Variants in KIRREL3 observed in about 807,000 individuals in gnomAD.
The protein encoded by KIRREL3 is kin of IRRE-like protein 3.
Under a neutral mutation model 89.7 loss-of-function variants are expected in KIRREL3, and 36 were observed. The ratio of observed to expected loss-of-function variants is 0.40; its 90% confidence interval spans 0.31 to 0.53. The LOEUF (loss-of-function observed/expected upper bound fraction) is 0.53, where lower values mean the gene tolerates loss of function less well. Among genes scored for constraint, KIRREL3 ranks in the 20% least tolerant of loss-of-function variants. KIRREL3 has a pLI of 0.49. For synonymous variants in KIRREL3, 445 were observed against 441.4 expected (o/e 1.01, Z -0.10); for missense variants, 864 against 1,056.6 (o/e 0.82, Z 2.53).
rs1231363255 is a variant in KIRREL3 at position 126,527,833 on chromosome 11, A to G, written c.134-1146T>C. On this transcript the variant is annotated intron_variant, in intron 2 of 16. Coordinates refer to ENST00000525144, the MANE Select transcript of KIRREL3 (RefSeq NM_032531.4). This position sits in a 1 kb window ranked among gnomAD's most constrained non-coding sequence, Gnocchi z 4.2. ...TCCCCTACTGAGCTATGCTGTGTGC[A>G]GATCCCCAAGCCTGGCCTTGGAGGG... Among the ~76,000 whole-genome samples the G allele has an allele frequency of 3.3e-5, 5 of 152,166 alleles. No homozygotes were observed. The highest frequency in any genetic ancestry group is 3.3e-4 in the Admixed American group (5 of 15,288).
chr11:126,964,095 G>T (rs767202056), intron 1 of KIRREL3, among the ~76,000 whole-genome samples: 22 of 152,122 alleles, frequency 1.4e-4, no homozygotes, highest in Non-Finnish European at 2.5e-4. Flanking sequence ...CAACTACAAG[G>T]TTTGAGAAAG....
intron 1 of KIRREL3, among the ~76,000 whole-genome samples, chr11:126,616,973 G>A (rs1009486280): frequency 6.6e-6 from 1 of 152,230 alleles, no homozygotes; most frequent in African/African-American, 2.4e-5. Context: ...AATTATAAGT[G>A]AAAGCCAGAG....
rs1342787336 is a variant in KIRREL3, at chr11:126,664,843, AGGG to A, written c.56-101934_56-101932del. Among the ~76,000 whole-genome samples, 1 of 152,146 alleles carries A rather than the reference AGGG, an allele frequency of 6.6e-6. No homozygotes were observed. Among genetic ancestry groups the A allele is most frequent in the Non-Finnish European group, 1.5e-5 (1 of 68,018 alleles). On this transcript the variant is annotated intron_variant, in intron 1 of 16. Coordinates refer to ENST00000525144, the MANE Select transcript of KIRREL3 (RefSeq NM_032531.4). This position sits in a 1 kb window ranked among gnomAD's most constrained non-coding sequence, Gnocchi z 5.4. ...CTATGAACCTCTTGTGCCCTTAGAC[AGGG>A]GGGCATTCCCTGCCTCAACCACAGG...
intron 1 of KIRREL3, among the ~76,000 whole-genome samples, chr11:126,589,743 C>T (rs989748438): frequency 1.3e-5 from 2 of 152,202 alleles, no homozygotes; most frequent in Admixed American, 1.3e-4. Flanking sequence ...CTCTCAGCCT[C>T]AGTTTCCCTA....
intron 1 of KIRREL3, among the ~76,000 whole-genome samples, chr11:126,921,444 TA>T (rs1291673732): frequency 7.2e-5 from 11 of 152,122 alleles, no homozygotes; most frequent in South Asian, 4.2e-4. Context: ...TCTATCTATC[TA>T]TCTTCCTATC....
At chr11:126,661,818 G>T (rs1224933271) in intron 1 of KIRREL3, among the ~76,000 whole-genome samples, 1 of 152,192 alleles carries the variant, frequency 6.6e-6, no homozygotes, top group Non-Finnish European at 1.5e-5. Flanking sequence ...TCACCTAGGA[G>T]ATTTTACTTG....
chr11:126,543,270 C>T (rs1278425578), intron 2 of KIRREL3, among the ~76,000 whole-genome samples: 1 of 152,056 alleles, frequency 6.6e-6, no homozygotes, highest in Non-Finnish European at 1.5e-5. Flanking sequence ...GCTGGAAGCC[C>T]CTTGAAAGGA....
intron 1 of KIRREL3, among the ~76,000 whole-genome samples, chr11:126,853,998 G>T (rs4494313): frequency 6.6e-6 from 1 of 151,990 alleles, no homozygotes; most frequent in Non-Finnish European, 1.5e-5. Context: ...TCATCTCATG[G>T]GAGTCTCCTC....
chr11:126,717,767 C>A (rs1238950112), intron 1 of KIRREL3, among the ~76,000 whole-genome samples: 1 of 152,218 alleles, frequency 6.6e-6, no homozygotes, highest in Non-Finnish European at 1.5e-5. Flanking sequence ...TTCTGCCGAG[C>A]CTCAGCATCT....
Position 126,872,573 on chromosome 11 carries a change from C to T in KIRREL3, c.55+127882G>A, listed in dbSNP as rs1945142090. Among the ~76,000 whole-genome samples the T allele has an allele frequency of 1.3e-5, 2 of 152,204 alleles. No homozygotes were observed. The highest frequency in any genetic ancestry group is 2.9e-5 in the Non-Finnish European group (2 of 68,032). ...CCAATTTGGGGGCTCACTTCACCTG[C>T]ATCATTTACATCAAACAGCCCCTCT... On this transcript the variant is annotated intron_variant, in intron 1 of 16. Transcript: ENST00000525144. The surrounding 1 kb of genome is among the most constrained non-coding windows in gnomAD (Gnocchi z 4.2).
chr11:126,479,243 G>A (rs999020296), intron 4 of KIRREL3, among the ~76,000 whole-genome samples: 3 of 152,158 alleles, frequency 2.0e-5, no homozygotes, highest in Non-Finnish European at 4.4e-5. Flanking sequence ...CACACCTTCA[G>A]CATCTTCTCC....
chr11:126,932,835 A>C (rs1045533641), intron 1 of KIRREL3, among the ~76,000 whole-genome samples: 1 of 152,230 alleles, frequency 6.6e-6, no homozygotes, highest in Non-Finnish European at 1.5e-5. Context: ...AGTTATTAAA[A>C]CCCACACAAT....
chr11:126,436,340 A>T (rs992137037), intron 12 of KIRREL3, among the ~76,000 whole-genome samples: 4 of 152,186 alleles, frequency 2.6e-5, no homozygotes, highest in Non-Finnish European at 5.9e-5. Flanking sequence ...TGTCTGAGTA[A>T]CTGGATGGGC....
chr11:126,975,635 G>A (rs1434331453), intron 1 of KIRREL3, among the ~76,000 whole-genome samples: 1 of 152,108 alleles, frequency 6.6e-6, no homozygotes, highest in African/African-American at 2.4e-5. Flanking sequence ...TTTTCTTTAA[G>A]AATGACAGTC....
At chr11:126,942,631 G>T (rs1347578739) in intron 1 of KIRREL3, among the ~76,000 whole-genome samples, 2 of 152,174 alleles carry the variant, frequency 1.3e-5, no homozygotes, top group African/African-American at 2.4e-5. Flanking sequence ...GGAGTCATGT[G>T]GCATGTGCTG....
At chr11:126,673,172 G>C (rs1291292006) in intron 1 of KIRREL3, among the ~76,000 whole-genome samples, 15 of 152,244 alleles carry the variant, frequency 9.9e-5, no homozygotes, top group Non-Finnish European at 1.5e-5. Flanking sequence ...AGCTACACCT[G>C]CAAAGACGCA....
At chr11:126,959,174 G>C (rs1241913408) in intron 1 of KIRREL3, among the ~76,000 whole-genome samples, 2 of 152,214 alleles carry the variant, frequency 1.3e-5, no homozygotes, top group African/African-American at 4.8e-5. Context: ...GACTAGAACA[G>C]CTCTTCTGGG....
intron 1 of KIRREL3, among the ~76,000 whole-genome samples, chr11:126,958,858 A>G (rs905482248): frequency 1.6e-4 from 25 of 151,918 alleles, no homozygotes; most frequent in African/African-American, 5.6e-4. Flanking sequence ...TTATGTGTCA[A>G]CTCGACTGGG....
At position 126,739,922 on chromosome 11, in the gene KIRREL3, T is replaced by C. The variant is rs1246154165; in HGVS notation, c.56-177010A>G. Among the ~76,000 whole-genome samples, 1 of 152,184 alleles carries C rather than the reference T, an allele frequency of 6.6e-6. No homozygotes were observed. The highest frequency in any genetic ancestry group is 1.5e-5 in the Non-Finnish European group (1 of 68,038). On this transcript the variant is annotated intron_variant, in intron 1 of 16. Coordinates refer to ENST00000525144, the MANE Select transcript of KIRREL3 (RefSeq NM_032531.4). The surrounding 1 kb of genome is among the most constrained non-coding windows in gnomAD (Gnocchi z 5.5). The stretch of plus-strand genomic sequence containing the variant: ...GATCAGTTTGACGGGTTTAGTATTA[T>C]AGAAATATTTCATTGTTTCAGCAGA...
Sources: allele counts gnomAD v4.1 joint callset (sites outside exome capture counted in the v4.1 genomes callset), GRCh38; gene constraint gnomAD v4.1.1; non-coding constraint Gnocchi (gnomAD v3.1); transcripts MANE v1.5; gene names NCBI Gene and HGNC (gene_info 2026-07-23, HGNC 2026-07-21).